The following BMERB1 variants were observed in gnomAD, a reference collection of about 807,000 sequenced individuals.
BMERB1 encodes the protein bMERB domain-containing protein 1.
A neutral mutation model predicts 23.6 loss-of-function variants in BMERB1; 12 were observed. That is an observed-to-expected ratio of 0.51 (90% CI 0.33 to 0.82). BMERB1 has a LOEUF of 0.82. Among genes scored for constraint, BMERB1 ranks in the 40% least tolerant of loss-of-function variants. The pLI, the probability that BMERB1 is intolerant of heterozygous loss-of-function variation, is 0.03. For synonymous variants in BMERB1, 122 were observed against 96.6 expected, an observed-to-expected ratio of 1.26 and a Z score of -1.54; for missense variants, 247 against 255.4, an observed-to-expected ratio of 0.97 and a Z score of 0.22.
At position 15,466,967 on chromosome 16, in the gene BMERB1, T is replaced by C. The variant is rs753310583; in HGVS notation, c.106+32208T>C. On this transcript the variant is annotated intron_variant, in intron 1 of 5. Transcript: ENST00000300006. The stretch of plus-strand genomic sequence containing the variant: ...CATGCAGTATATAACCTTTTTGAGA[T>C]TGGCTTTTTCACTCACCGTAATTCT... Among the ~76,000 whole-genome samples, 10 of 152,210 alleles carry C rather than the reference T, an allele frequency of 6.6e-5. 1 individual carries two copies. Among genetic ancestry groups the C allele is most frequent in the South Asian group, 2.1e-4 (1 of 4,836 alleles).
At chr16:15,548,722 A>G (rs2029996448) in intron 2 of BMERB1, among the ~76,000 whole-genome samples, 1 of 152,182 alleles carries the variant, frequency 6.6e-6, no homozygotes, top group South Asian at 2.1e-4. Context: ...CTTGCCTACA[A>G]AGGAGACCAC....
At chr16:15,574,885 C>T (rs1306750225) in intron 3 of BMERB1, among the ~76,000 whole-genome samples, 3 of 152,146 alleles carry the variant, frequency 2.0e-5, no homozygotes, top group African/African-American at 4.8e-5. Context: ...GGAGACCAGC[C>T]TGGCCAACAT....
intron 2 of BMERB1, among the ~76,000 whole-genome samples, chr16:15,521,124 G>A (rs1316626960): frequency 1.3e-5 from 2 of 152,180 alleles, no homozygotes; most frequent in African/African-American, 4.8e-5. Flanking sequence ...TTGAGACTGA[G>A]CTCCCATCTC....
chr16:15,527,007 A>G (rs2051915229), intron 2 of BMERB1, among the ~76,000 whole-genome samples: 1 of 149,598 alleles, frequency 6.7e-6, no homozygotes, highest in African/African-American at 2.4e-5. Flanking sequence ...AAATTTTACT[A>G]TAAAAATAAA....
rs796196598 is a variant in BMERB1, at chr16:15,448,833, G to A, written c.106+14074G>A. Among the ~76,000 whole-genome samples the A allele has an allele frequency of 3.3e-4, 50 of 152,172 alleles. 1 individual carries two copies. The highest frequency in any genetic ancestry group is 9.4e-4 in the African/African-American group (39 of 41,528). On this transcript the variant is annotated intron_variant, in intron 1 of 5. Coordinates refer to ENST00000300006, the MANE Select transcript of BMERB1 (RefSeq NM_033201.3). ...ACAAAGAGTTGTTCCTGATGCTGCC[G>A]TGAGATTAGCATCCTCGCCTTCTGC...
At chr16:15,550,401 C>T (rs2030052347) in intron 2 of BMERB1, among the ~76,000 whole-genome samples, 4 of 152,108 alleles carry the variant, frequency 2.6e-5, no homozygotes, top group Non-Finnish European at 4.4e-5. Flanking sequence ...GGCACAATCT[C>T]AGCTCACTGC....
At chr16:15,549,706 A>T (rs1017953128) in intron 2 of BMERB1, among the ~76,000 whole-genome samples, 1 of 151,772 alleles carries the variant, frequency 6.6e-6, no homozygotes, top group East Asian at 1.9e-4. Context: ...CCTAAACAGG[A>T]GGGGCTTAGG....
chr16:15,563,211 A>G (rs1029044306), intron 2 of BMERB1, among the ~76,000 whole-genome samples: 1 of 152,062 alleles, frequency 6.6e-6, no homozygotes, highest in East Asian at 1.9e-4. Flanking sequence ...GTGTAACTCT[A>G]TCTCTATTAT....
In BMERB1 at chr16:15,587,085, A is replaced by ATGAT; in HGVS notation, c.*256_*257insTGAT. 2.1e-6 allele frequency: 1 copy of ATGAT among 476,926 alleles called. No individual in the cohort carries two copies. Among genetic ancestry groups the ATGAT allele is most frequent in the South Asian group, 3.3e-5 (1 of 30,394 alleles). 29.5% of individuals were successfully genotyped at this position (476,926 alleles called of 1,614,324 possible). A position where few individuals can be genotyped will look rare whatever the true frequency, so the allele number is the denominator to read the frequency against. On this transcript the variant is annotated 3_prime_UTR_variant, in exon 6 of 6. Coordinates refer to ENST00000300006, the MANE Select transcript of BMERB1 (RefSeq NM_033201.3). Reference sequence around the variant, plus strand: ...AGGAGTCTGTCTCACTGTTTATCCAAACACCAGGAAAGGTCCTCCCTCAAA... The same window carrying ATGAT: ...AGGAGTCTGTCTCACTGTTTATCCAATGATACACCAGGAAAGGTCCTCCCTCAAA...
intron 2 of BMERB1, among the ~76,000 whole-genome samples, chr16:15,563,941 C>T (rs1326684209): frequency 6.6e-6 from 1 of 152,148 alleles, no homozygotes; most frequent in African/African-American, 2.4e-5. Flanking sequence ...AGATTAAGCT[C>T]TTCCTGGGAG....
intron 1 of BMERB1, among the ~76,000 whole-genome samples, chr16:15,501,671 G>A (rs932078688): frequency 6.6e-6 from 1 of 152,038 alleles, no homozygotes; most frequent in African/African-American, 2.4e-5. Context: ...ACGGGCTTTC[G>A]CCATGTTGGC....
At chr16:15,443,381 C>G (rs371643474) in intron 1 of BMERB1, among the ~76,000 whole-genome samples, 1 of 150,978 alleles carries the variant, frequency 6.6e-6, no homozygotes, top group Non-Finnish European at 1.5e-5. Flanking sequence ...TGGCGAAACC[C>G]TGTCTCTACC....
intron 1 of BMERB1, among the ~76,000 whole-genome samples, chr16:15,482,658 C>T (rs1335935250): frequency 6.6e-6 from 1 of 152,054 alleles, no homozygotes; most frequent in Admixed American, 6.6e-5. Flanking sequence ...ACTGACAAAG[C>T]AAAGCAAGGC....
intron 1 of BMERB1, among the ~76,000 whole-genome samples, chr16:15,513,614 G>T (rs1230271396): frequency 6.6e-6 from 1 of 152,126 alleles, no homozygotes; most frequent in Non-Finnish European, 1.5e-5. Context: ...AAGTGTGTCT[G>T]CCCAGGCGCG....
chr16:15,490,016 G>A (rs1378677383), intron 1 of BMERB1, among the ~76,000 whole-genome samples: 1 of 151,820 alleles, frequency 6.6e-6, no homozygotes, highest in Non-Finnish European at 1.5e-5. Context: ...ACAGGCGCCC[G>A]CCCTCATCCG....
At chr16:15,545,554 G>A (rs958011113) in intron 2 of BMERB1, among the ~76,000 whole-genome samples, 2 of 152,164 alleles carry the variant, frequency 1.3e-5, no homozygotes, top group African/African-American at 4.8e-5. Context: ...AGAAGGCTAT[G>A]AGTGGGGATG....
At chr16:15,583,041 T>A in intron 4 of BMERB1, 115 bp from the exon 5 acceptor site, 1 of 796,024 alleles carries the variant, frequency 1.3e-6, no homozygotes, top group Non-Finnish European at 2.2e-6. Context: ...CGTGACAACA[T>A]ACATGCCCCA....
At chr16:15,445,178 C>T (rs558011841) in intron 1 of BMERB1, among the ~76,000 whole-genome samples, 47 of 152,298 alleles carry the variant, frequency 3.1e-4, no homozygotes, top group African/African-American at 1.1e-3. Context: ...TAGGCATGAG[C>T]CACCACGCCT....
At chr16:15,509,999 A>G (rs1193343005) in intron 1 of BMERB1, among the ~76,000 whole-genome samples, 1 of 152,164 alleles carries the variant, frequency 6.6e-6, no homozygotes, top group African/African-American at 2.4e-5. Flanking sequence ...GGTTGAAGTG[A>G]TGCTATTACA....
Sources: allele counts gnomAD v4.1 joint callset (sites outside exome capture counted in the v4.1 genomes callset), GRCh38; gene constraint gnomAD v4.1.1; transcripts MANE v1.5; gene names NCBI Gene and HGNC (gene_info 2026-07-23, HGNC 2026-07-21).